NAV2: variants seen among roughly 807,000 people sequenced by gnomAD.
NAV2 encodes neuron navigator 2, also known as helicase, APC down-regulated 1.
A neutral mutation model predicts 223.2 loss-of-function variants in NAV2; 54 were observed. The ratio of observed to expected loss-of-function variants is 0.24; its 90% CI spans 0.19 to 0.30. NAV2 has a LOEUF of 0.30. Among genes scored for constraint, NAV2 ranks in the 10% least tolerant of loss-of-function variants. The pLI is 1.00. For synonymous variants in NAV2, 1,279 were observed against 1,239.3 expected (o/e 1.03, Z -0.67); for missense variants, 2,806 against 3,147.5 (o/e 0.89, Z 2.60).
rs1430744897 is a variant in NAV2 at position 19,946,514 on chromosome 11, C to T, written c.2255+5C>T. Reference sequence around the variant, plus strand: ...GGGAACTCAGGTTACACACAGGTATCTGCAGTGTGAATTACTTTACTGAAC... The same window carrying T: ...GGGAACTCAGGTTACACACAGGTATTTGCAGTGTGAATTACTTTACTGAAC... On this transcript the variant is annotated splice_donor_5th_base_variant and intron_variant, in intron 9 of 37. Coordinates refer to ENST00000349880, the MANE Select transcript of NAV2 (RefSeq NM_145117.5). 4 of 1,609,368 alleles carry T rather than the reference C, an allele frequency of 2.5e-6. No homozygotes were observed. Among genetic ancestry groups the T allele is most frequent in the Non-Finnish European group, 3.4e-6 (4 of 1,176,904 alleles).
intron 1 of NAV2, among the ~76,000 whole-genome samples, chr11:19,618,876 C>G (rs1299055605): frequency 6.6e-6 from 1 of 150,588 alleles, no homozygotes; most frequent in African/African-American, 2.4e-5. Context: ...TTGGCTAGAG[C>G]TAAGGGGCAG....
At chr11:19,649,893 C>T (rs1179511957) in intron 1 of NAV2, among the ~76,000 whole-genome samples, 3 of 152,168 alleles carry the variant, frequency 2.0e-5, no homozygotes, top group African/African-American at 4.8e-5. Flanking sequence ...TGAGATACTT[C>T]CACACTCCCA....
At chr11:19,348,571 A>T (rs527429965), upstream of NAV2, among the ~76,000 whole-genome samples, 1 of 152,346 alleles carries the variant, frequency 6.6e-6, no homozygotes, top group African/African-American at 2.4e-5. Context: ...AAAGCTAAAC[A>T]TCTCTATTTG....
At chr11:19,761,978 C>T (rs933622831) in intron 1 of NAV2, among the ~76,000 whole-genome samples, 6 of 152,262 alleles carry the variant, frequency 3.9e-5, no homozygotes, top group Admixed American at 1.3e-4. Flanking sequence ...TGCAGTGGCT[C>T]ACGCCTGTAA....
chr11:19,941,658 T>C lies in NAV2; in HGVS notation c.2146+1885T>C, dbSNP rs915031780. Among the ~76,000 whole-genome samples the C allele has an allele frequency of 1.1e-4, 16 of 152,202 alleles. No individual in the cohort carries two copies. In the South Asian group the frequency reaches 2.5e-3, roughly 24 times the overall value. On this transcript the variant is annotated intron_variant, in intron 8 of 37. Transcript: ENST00000349880. ...GAGAAATGCATCTTGCATGATAGAATTGAAGGAACCACACACACCTGCTTA... is the reference window on the plus strand; with the variant it reads ...GAGAAATGCATCTTGCATGATAGAACTGAAGGAACCACACACACCTGCTTA...
intron 22 of NAV2, among the ~76,000 whole-genome samples, chr11:20,075,181 A>G (rs35851303): frequency 0.32 from 48,910 of 150,836 alleles, 8,702 homozygotes; most frequent in African/African-American, 0.48. Flanking sequence ...TTATTTTAAA[A>G]TGCAGAGGCA....
chr11:20,052,997 A>G (rs1182610094), intron 17 of NAV2, among the ~76,000 whole-genome samples: 1 of 152,106 alleles, frequency 6.6e-6, no homozygotes, highest in Non-Finnish European at 1.5e-5. Flanking sequence ...TAGGTGGATC[A>G]CTTGAGGGCG....
At chr11:19,652,411 G>A (rs1025225561) in intron 1 of NAV2, among the ~76,000 whole-genome samples, 1 of 152,172 alleles carries the variant, frequency 6.6e-6, no homozygotes, top group Non-Finnish European at 1.5e-5. Flanking sequence ...TGTGAGGGCT[G>A]CACAGTTGGA....
At chr11:20,034,363 T>TTG (rs1564888915) in intron 11 of NAV2, among the ~76,000 whole-genome samples, 1 of 121,320 alleles carries the variant, frequency 8.2e-6, no homozygotes, top group Non-Finnish European at 1.8e-5. Context: ...TTTTTTTTTG[T>TTG]TTTTTTTTTT....
At chr11:19,526,214 T>C (rs902368992) in intron 1 of NAV2, among the ~76,000 whole-genome samples, 3 of 152,148 alleles carry the variant, frequency 2.0e-5, no homozygotes, top group African/African-American at 7.2e-5. Context: ...CAAGCATAAC[T>C]CTTAGAATGA....
chr11:19,498,694 G>C (rs2042874401), intron 1 of NAV2, among the ~76,000 whole-genome samples: 1 of 152,080 alleles, frequency 6.6e-6, no homozygotes. Context: ...CGATCCATCT[G>C]TTCACTCATC....
chr11:19,906,235 G>A (rs1266782955), intron 6 of NAV2, among the ~76,000 whole-genome samples: 8 of 152,268 alleles, frequency 5.3e-5, no homozygotes, highest in Admixed American at 3.3e-4. Context: ...AGGTGAGTTC[G>A]AAGGCAGAGA....
intron 20 of NAV2, among the ~76,000 whole-genome samples, chr11:20,065,289 C>G (rs1751561971): frequency 6.6e-6 from 1 of 152,180 alleles, no homozygotes; most frequent in South Asian, 2.1e-4. Flanking sequence ...CAGACCCAGA[C>G]CAAGGAGCCT....
chr11:19,398,464 T>C (rs545900330), intron 1 of NAV2, among the ~76,000 whole-genome samples: 2 of 152,278 alleles, frequency 1.3e-5, no homozygotes, highest in South Asian at 2.1e-4. Flanking sequence ...TCACCCTGCA[T>C]TGGCCTGTCT....
intron 35 of NAV2, among the ~76,000 whole-genome samples, chr11:20,106,221 A>G (rs1592180683): frequency 1.5e-4 from 16 of 103,602 alleles, no homozygotes; most frequent in Admixed American, 5.1e-4. Context: ...ATATATATAT[A>G]TATATATATG....
chr11:19,723,388 AGTGT>A (rs71050681), intron 1 of NAV2, among the ~76,000 whole-genome samples: 86,954 of 151,958 alleles, frequency 0.57, 26,980 homozygotes, highest in African/African-American at 0.83. Flanking sequence ...TGGTATAGAC[AGTGT>A]GTGGCAGGAT....
chr11:20,103,173 G>A, intron 32 of NAV2, 82 bp from the exon 33 acceptor site: 5 of 1,387,402 alleles, frequency 3.6e-6, no homozygotes, highest in Middle Eastern at 2.0e-4. Flanking sequence ...ACTGGCCTGG[G>A]TGAGGCAAAG....
chr11:19,472,434 C>T (rs745312967), intron 1 of NAV2, among the ~76,000 whole-genome samples: 7 of 151,952 alleles, frequency 4.6e-5, no homozygotes, highest in South Asian at 2.1e-4. Flanking sequence ...GTGCCTAGAA[C>T]GATACCAATA....
chr11:19,659,647 T>C (rs1819567828), intron 1 of NAV2, among the ~76,000 whole-genome samples: 1 of 152,116 alleles, frequency 6.6e-6, no homozygotes, highest in African/African-American at 2.4e-5. Flanking sequence ...AAGAGATTGA[T>C]ATGGGCTGCA....
Sources: gnomAD v4.1 joint callset for allele counts (sites outside exome capture counted in the v4.1 genomes callset) on GRCh38, gnomAD v4.1.1 for gene constraint, MANE v1.5 for transcripts, NCBI Gene and HGNC (gene_info 2026-07-23, HGNC 2026-07-21) for gene names.